Variants in PTPN11 observed in about 807,000 individuals in gnomAD.
PTPN11 encodes the protein protein tyrosine phosphatase non-receptor type 11.
In PTPN11, 6 loss-of-function variants were observed where a neutral mutation model predicts 78.8. The ratio of observed to expected loss-of-function variants is 0.08; its 90% CI spans 0.04 to 0.15. The LOEUF (loss-of-function observed/expected upper bound fraction) is 0.15. PTPN11 is among the 10% of genes least tolerant of loss of function. The pLI is 1.00. For missense variants in PTPN11, 386 were observed against 744.8 expected (o/e 0.52, Z 5.61); for synonymous variants, 221 against 263.5 (o/e 0.84, Z 1.56).
At chr12:112,500,338 T>C (rs1449808239) in intron 13 of PTPN11, among the ~76,000 whole-genome samples, 2 of 152,374 alleles carry the variant, frequency 1.3e-5, no homozygotes, top group East Asian at 3.9e-4. Context: ...GGATTGTTTC[T>C]TATATAAGCA....
intron 6 of PTPN11, among the ~76,000 whole-genome samples, chr12:112,462,681 C>G (rs531460690): frequency 2.6e-5 from 4 of 152,214 alleles, no homozygotes; most frequent in African/African-American, 9.6e-5. Flanking sequence ...AGTAGCATAA[C>G]TTTACATACT....
At chr12:112,496,592 C>T (rs1216123926) in intron 13 of PTPN11, among the ~76,000 whole-genome samples, 3 of 152,174 alleles carry the variant, frequency 2.0e-5, no homozygotes, top group Non-Finnish European at 2.9e-5. Flanking sequence ...GTCTCAGACT[C>T]GAATCCATTG....
At chr12:112,460,618 C>T (rs113415056) in intron 6 of PTPN11, among the ~76,000 whole-genome samples, 21 of 151,808 alleles carry the variant, frequency 1.4e-4, no homozygotes, top group Non-Finnish European at 2.4e-4. Flanking sequence ...CTGAGGTGGG[C>T]GGATCACGAG....
intron 13 of PTPN11, among the ~76,000 whole-genome samples, chr12:112,489,849 T>G (rs2038724467): frequency 6.6e-6 from 1 of 152,186 alleles, no homozygotes; most frequent in African/African-American, 2.4e-5. Flanking sequence ...CCTGCATTAC[T>G]CTGCTCGTTG....
At chr12:112,478,781 C>G (rs781448133) in intron 9 of PTPN11, among the ~76,000 whole-genome samples, 1 of 151,996 alleles carries the variant, frequency 6.6e-6, no homozygotes, top group Non-Finnish European at 1.5e-5. Context: ...TTGCCCAGGC[C>G]GGAGTGCAGT....
Position 112,424,956 on chromosome 12 carries a change from T to TTGTGTG in PTPN11, c.14+5879_14+5884dup, listed in dbSNP as rs34463047. Among the ~76,000 whole-genome samples the TTGTGTG allele has an allele frequency of 7.2e-3, 642 of 88,938 alleles. 4 individuals carry two copies. Among genetic ancestry groups the TTGTGTG allele is most frequent in the Middle Eastern group, 0.013 (2 of 160 alleles). The allele number at this position is 88,938 out of a possible 152,430, so 58.3% of individuals were successfully genotyped here. A position where few individuals can be genotyped will look rare whatever the true frequency, so the allele number is the denominator to read the frequency against. Reference sequence around the variant, plus strand: ...GGCACACACCACCATGTCAGGCTAATTGTGTGTGTGTGTGTGTGTGTGTGT... The same window carrying TTGTGTG: ...GGCACACACCACCATGTCAGGCTAATTGTGTGTGTGTGTGTGTGTGTGTGTGTGTGT... On this transcript the variant is annotated intron_variant, in intron 1 of 15. Coordinates refer to ENST00000351677, the MANE Select transcript of PTPN11 (RefSeq NM_002834.5).
At chr12:112,427,327 A>G (rs1035350277) in intron 1 of PTPN11, among the ~76,000 whole-genome samples, 2 of 151,844 alleles carry the variant, frequency 1.3e-5, no homozygotes, top group African/African-American at 4.8e-5. Flanking sequence ...CGGGTGGATC[A>G]GGAGGTCAGG....
chr12:112,433,939 T>TA (rs990454460), intron 1 of PTPN11, among the ~76,000 whole-genome samples: 20 of 151,570 alleles, frequency 1.3e-4, no homozygotes, highest in African/African-American at 4.8e-4. Context: ...GGCTGGGAGA[T>TA]AGAGTGGGAC....
intron 1 of PTPN11, among the ~76,000 whole-genome samples, chr12:112,432,780 G>C (rs2037732571): frequency 6.6e-6 from 1 of 151,696 alleles, no homozygotes; most frequent in African/African-American, 2.4e-5. Context: ...AGGAGTTTGA[G>C]ACTAGTGGGG....
At chr12:112,451,872 C>CT (rs970845081) in intron 3 of PTPN11, among the ~76,000 whole-genome samples, 3 of 151,972 alleles carry the variant, frequency 2.0e-5, no homozygotes, top group African/African-American at 7.2e-5. Flanking sequence ...CTTTTTCTTT[C>CT]TTTTTTTTAA....
intron 6 of PTPN11, among the ~76,000 whole-genome samples, chr12:112,471,268 A>G (rs551757501): frequency 3.3e-5 from 5 of 152,230 alleles, no homozygotes; most frequent in African/African-American, 1.2e-4. Context: ...TTGGCATTTT[A>G]TATATAAATT....
At chr12:112,440,283 T>C (rs961295655) in intron 1 of PTPN11, among the ~76,000 whole-genome samples, 1 of 151,366 alleles carries the variant, frequency 6.6e-6, no homozygotes, top group East Asian at 1.9e-4. Flanking sequence ...TCAATTTTCC[T>C]TTTTTTTTGA....
At chr12:112,421,756 T>TA (rs1179375185) in intron 1 of PTPN11, among the ~76,000 whole-genome samples, 3 of 152,096 alleles carry the variant, frequency 2.0e-5, no homozygotes, top group African/African-American at 7.2e-5. Flanking sequence ...GCTTTCCGGT[T>TA]ACTGGGGCTA....
intron 7 of PTPN11, among the ~76,000 whole-genome samples, chr12:112,473,432 A>G (rs767989592): frequency 2.6e-5 from 4 of 151,850 alleles, no homozygotes; most frequent in Non-Finnish European, 5.9e-5. Context: ...CCTTTCTGGG[A>G]CTCAGTTCCC....
intron 13 of PTPN11, among the ~76,000 whole-genome samples, chr12:112,495,695 AACT>A (rs1262189952): frequency 2.0e-5 from 3 of 152,330 alleles, no homozygotes; most frequent in African/African-American, 4.8e-5. Flanking sequence ...AATGCATCTA[AACT>A]ACTAAACATC....
At chr12:112,434,933 C>A (rs777004222) in intron 1 of PTPN11, among the ~76,000 whole-genome samples, 2 of 151,758 alleles carry the variant, frequency 1.3e-5, no homozygotes, top group Non-Finnish European at 2.9e-5. Flanking sequence ...ACTACAGGCA[C>A]GCACCACCAT....
intron 1 of PTPN11, among the ~76,000 whole-genome samples, chr12:112,433,777 C>T (rs751260923): frequency 7.2e-5 from 11 of 152,088 alleles, no homozygotes; most frequent in Non-Finnish European, 1.6e-4. Context: ...ATAGCAAGAC[C>T]CTATCTCTAC....
intron 12 of PTPN11, 71 bp downstream of exon 12, chr12:112,488,581 C>T (rs1186630127): frequency 1.4e-6 from 2 of 1,455,352 alleles, no homozygotes; most frequent in East Asian, 2.3e-5. Flanking sequence ...CTCACGAAAA[C>T]AGTCTGGGGA....
intron 13 of PTPN11, 85 bp downstream of exon 13, chr12:112,489,260 C>T: frequency 6.7e-7 from 1 of 1,482,858 alleles, no homozygotes; most frequent in Admixed American, 1.7e-5. Context: ...GGAGGACAGG[C>T]TCTGATAGAC....
Sources: gnomAD v4.1 joint callset for allele counts (sites outside exome capture counted in the v4.1 genomes callset) on GRCh38, gnomAD v4.1.1 for gene constraint, MANE v1.5 for transcripts, NCBI Gene and HGNC (gene_info 2026-07-23, HGNC 2026-07-21) for gene names.